The following KCNC1 variants were observed in gnomAD, a reference collection of about 807,000 sequenced individuals.
KCNC1 encodes the protein potassium voltage-gated channel subfamily C member 1, also known as voltage-gated potassium channel KCNC1.
Under a neutral mutation model 43.4 loss-of-function variants are expected in KCNC1, and 8 were observed. The observed-to-expected ratio is 0.18, with a 90% CI of 0.11 to 0.33. The LOEUF is 0.33. Ranked by LOEUF, KCNC1 falls within the 10% of genes least tolerant of loss-of-function variation. The pLI, the probability that KCNC1 is intolerant of heterozygous loss-of-function variation, is 1.00. For missense variants in KCNC1, 420 were observed against 836.0 expected (o/e 0.50, Z 6.14); for synonymous variants, 361 against 360.5 (o/e 1.00, Z -0.01).
rs1047896583 is a variant in KCNC1, at chr11:17,781,592, T to C, written c.1694-78T>C. 26 of 1,007,646 alleles carry C rather than the reference T, an allele frequency of 2.6e-5. No homozygotes were observed. The highest frequency in any genetic ancestry group is 2.1e-4 in the East Asian group (8 of 38,070). 62.4% of individuals were successfully genotyped at this position (1,007,646 alleles called of 1,614,324 possible). On this transcript the variant is annotated intron_variant, in intron 3 of 3. Coordinates refer to ENST00000265969, the MANE Select transcript of KCNC1 (RefSeq NM_001112741.2). The surrounding 1 kb of genome is among the most constrained non-coding windows in gnomAD (Gnocchi z 5.1). ...CGGCTGTTCTGTCTTTCCTCCTCCT[T>C]CTTAAAAACTAAGTACCAAGCGGGA...
rs1848810776 is a variant in KCNC1, at chr11:17,739,383, G to A, written c.570+2811G>A. Among the ~76,000 whole-genome samples the A allele has an allele frequency of 2.6e-5, 4 of 151,572 alleles. No homozygotes were observed. In the Middle Eastern group the frequency reaches 0.01, roughly 387 times the overall value. On this transcript the variant is annotated intron_variant, in intron 1 of 3. Transcript: ENST00000265969. The surrounding 1 kb of genome is among the most constrained non-coding windows in gnomAD (Gnocchi z 4.2). ...CAGGCGTGTGTGTGTGTGTGTGTGTGTGTGTGTGTGTGTGTGGTGAGACTG... is the reference window on the plus strand; with the variant it reads ...CAGGCGTGTGTGTGTGTGTGTGTGTATGTGTGTGTGTGTGTGGTGAGACTG...
At chr11:17,775,152 C>A in intron 2 of KCNC1, 1 of 985,550 alleles carries the variant, frequency 1.0e-6, no homozygotes, top group Non-Finnish European at 1.2e-6. Flanking sequence ...GATGCAGCCC[C>A]CCAAGGCCTT....
intron 1 of KCNC1, among the ~76,000 whole-genome samples, chr11:17,755,425 C>T (rs10741733): frequency 0.55 from 83,259 of 151,828 alleles, 24,424 homozygotes; most frequent in East Asian, 0.9. Context: ...AATGTTGGAA[C>T]CTGGGAGACC....
chr11:17,747,609 G>T (rs1451095664), intron 1 of KCNC1, among the ~76,000 whole-genome samples: 1 of 152,204 alleles, frequency 6.6e-6, no homozygotes, highest in Non-Finnish European at 1.5e-5. Context: ...AAGCTGGGCT[G>T]CTCCGCCAGG....
At position 17,778,962 on chromosome 11, in the gene KCNC1, G is replaced by A. The variant is rs573670621; in HGVS notation, c.1505-494G>A. On this transcript the variant is annotated intron_variant, in intron 2 of 3. Coordinates refer to ENST00000265969, the MANE Select transcript of KCNC1 (RefSeq NM_001112741.2). ...ATGAGATGGTCTGTATGGAGCTAGG[G>A]AAGCCCGAGCAACTGGCTGGCTGTG... is the stretch of plus-strand genomic sequence containing the variant. Among the ~76,000 whole-genome samples, 3 of 152,138 alleles carry A rather than the reference G, an allele frequency of 2.0e-5. No homozygotes were observed. The East Asian group carries it at 5.8e-4, about 30-fold the overall frequency.
intron 2 of KCNC1, chr11:17,774,275 G>C (rs773628753): frequency 1.1e-5 from 11 of 985,494 alleles, no homozygotes; most frequent in Non-Finnish European, 1.3e-5. Flanking sequence ...TAGGAGGAAC[G>C]CGTGGGCTGG....
intron 1 of KCNC1, among the ~76,000 whole-genome samples, chr11:17,762,642 C>T (rs1849091587): frequency 6.6e-6 from 1 of 152,164 alleles, no homozygotes; most frequent in African/African-American, 2.4e-5. Context: ...GCAGGTGGGC[C>T]TGAGGGATGA....
chr11:17,776,647 T>TG lies in KCNC1; in HGVS notation c.1505-2804dup, dbSNP rs148938810. 1,659 of 985,220 alleles carry TG rather than the reference T, an allele frequency of 1.7e-3. 30 individuals are homozygous for TG. In the African/African-American group the frequency reaches 0.027, roughly 16 times the overall value. The allele number at this position is 985,220 out of a possible 1,614,324, so 61.0% of individuals were successfully genotyped here. A position where few individuals can be genotyped will look rare whatever the true frequency, so the allele number is the denominator to read the frequency against. On this transcript the variant is annotated intron_variant, in intron 2 of 3. Coordinates refer to ENST00000265969, the MANE Select transcript of KCNC1 (RefSeq NM_001112741.2). This position sits in a 1 kb window ranked among gnomAD's most constrained non-coding sequence, Gnocchi z 4.4. ...CAGGCCTGTGGGTCTAGTGGGGGCCTGGGGGCCCTGGGCTGGGGGAGGCAG... is the reference window on the plus strand; with the variant it reads ...CAGGCCTGTGGGTCTAGTGGGGGCCTGGGGGGCCCTGGGCTGGGGGAGGCAG...
In KCNC1 at chr11:17,777,270, C is replaced by T; in HGVS notation, c.1505-2186C>T. ...GAAGGCACCCCCCTCTGACCCACCC[C>T]TCCCCAGGCAAGAACTGCAGGCTGT... On this transcript the variant is annotated intron_variant, in intron 2 of 3. Coordinates refer to ENST00000265969, the MANE Select transcript of KCNC1 (RefSeq NM_001112741.2). The surrounding 1 kb of genome is among the most constrained non-coding windows in gnomAD (Gnocchi z 4.3). 1.0e-5 allele frequency: 10 copies of T among 985,954 alleles called. No homozygotes were observed. The highest frequency in any genetic ancestry group is 1.2e-5 in the Non-Finnish European group (10 of 830,046). The allele number at this position is 985,954 out of a possible 1,614,324, so 61.1% of individuals were successfully genotyped here.
chr11:17,774,324 C>A, intron 2 of KCNC1: 6 of 985,562 alleles, frequency 6.1e-6, no homozygotes, highest in Non-Finnish European at 7.2e-6. Flanking sequence ...GCAAGAAGAG[C>A]TCAGCCTGAG....
chr11:17,774,844 G>A lies in KCNC1; in HGVS notation c.1504+2246G>A, dbSNP rs1282447287. The A allele has an allele frequency of 6.1e-6, 6 of 985,348 alleles. No individual in the cohort carries two copies. The African/African-American group carries it at 8.7e-5, about 14-fold the overall frequency. 61.0% of individuals were successfully genotyped at this position (985,348 alleles called of 1,614,324 possible). ...TCCCAAGCACTCACTTCCCGGTGGT[G>A]TTGGTGCTGTCCTGATATCCTGACC... On this transcript the variant is annotated intron_variant, in intron 2 of 3. Transcript: ENST00000265969.
intron 1 of KCNC1, among the ~76,000 whole-genome samples, chr11:17,768,997 C>T (rs145904718): frequency 7.4e-4 from 113 of 152,344 alleles, no homozygotes; most frequent in African/African-American, 2.3e-3. Context: ...AGCCTCTTCC[C>T]GTTGCTTCTA....
At chr11:17,774,837 C>G (rs995135169) in intron 2 of KCNC1, 1 of 985,374 alleles carries the variant, frequency 1.0e-6, no homozygotes, top group Non-Finnish European at 1.2e-6. Flanking sequence ...ACTCACTTCC[C>G]GGTGGTGTTG....
intron 1 of KCNC1, among the ~76,000 whole-genome samples, chr11:17,769,976 C>A (rs1849204734): frequency 6.6e-6 from 1 of 152,240 alleles, no homozygotes; most frequent in Non-Finnish European, 1.5e-5. Context: ...GAGATGCCAA[C>A]TTTGTCACTT....
At position 17,771,661 on chromosome 11, in the gene KCNC1, A is replaced by G; in HGVS notation, c.571-4A>G. The G allele has an allele frequency of 1.2e-6, 2 of 1,601,666 alleles. No homozygotes were observed. Among genetic ancestry groups the G allele is most frequent in the Non-Finnish European group, 1.7e-6 (2 of 1,170,504 alleles). On this transcript the variant is annotated splice_polypyrimidine_tract_variant and splice_region_variant and intron_variant, in intron 1 of 3. Coordinates refer to ENST00000265969, the MANE Select transcript of KCNC1 (RefSeq NM_001112741.2). The surrounding 1 kb of genome is among the most constrained non-coding windows in gnomAD (Gnocchi z 4.7). ...CCTCTGACACTGTGTCTTTATCCCC[A>G]CAGTATGTGGCCTTCGCTTCCCTCT...
chr11:17,760,645 G>T (rs577916318), intron 1 of KCNC1, among the ~76,000 whole-genome samples: 6 of 152,152 alleles, frequency 3.9e-5, no homozygotes, highest in Non-Finnish European at 7.4e-5. Flanking sequence ...GGTCAGAGTC[G>T]CCAGATCCGG....
intron 1 of KCNC1, among the ~76,000 whole-genome samples, chr11:17,761,159 C>T (rs1001892348): frequency 3.3e-5 from 5 of 152,194 alleles, no homozygotes; most frequent in African/African-American, 7.2e-5. Context: ...CACCTGGACT[C>T]GTCCACAGGA....
rs138592096 is a variant in KCNC1, at chr11:17,759,803, C to G, written c.571-11862C>G. Among the ~76,000 whole-genome samples the G allele has an allele frequency of 2.2e-3, 336 of 152,186 alleles. 1 individual carries two copies. Among genetic ancestry groups the G allele is most frequent in the Admixed American group, 0.02 (309 of 15,286 alleles). On this transcript the variant is annotated intron_variant, in intron 1 of 3. Transcript: ENST00000265969. ...GCATCAGAGATCAATGATCACAGGTCACCATAACAGATATAATAATAATGA... is the reference window on the plus strand; with the variant it reads ...GCATCAGAGATCAATGATCACAGGTGACCATAACAGATATAATAATAATGA...
At position 17,776,292 on chromosome 11, in the gene KCNC1, C is replaced by A; in HGVS notation, c.1505-3164C>A. 1 of 985,448 alleles carries A rather than the reference C, an allele frequency of 1.0e-6. No individual in the cohort carries two copies. The highest frequency in any genetic ancestry group is 1.2e-6 in the Non-Finnish European group (1 of 829,976). 61.0% of individuals were successfully genotyped at this position (985,448 alleles called of 1,614,324 possible). A position where few individuals can be genotyped will look rare whatever the true frequency, so the allele number is the denominator to read the frequency against. On this transcript the variant is annotated intron_variant, in intron 2 of 3. Coordinates refer to ENST00000265969, the MANE Select transcript of KCNC1 (RefSeq NM_001112741.2). This position sits in a 1 kb window ranked among gnomAD's most constrained non-coding sequence, Gnocchi z 4.4. ...TTGTTCCCTGCTCGTGTCTCACAGACTGTCCCCATTTAGCCTGAGACTTTT... is the reference window on the plus strand; with the variant it reads ...TTGTTCCCTGCTCGTGTCTCACAGAATGTCCCCATTTAGCCTGAGACTTTT...
Sources: allele counts gnomAD v4.1 joint callset (sites outside exome capture counted in the v4.1 genomes callset), GRCh38; gene constraint gnomAD v4.1.1; non-coding constraint Gnocchi (gnomAD v3.1); transcripts MANE v1.5; gene names NCBI Gene and HGNC (gene_info 2026-07-23, HGNC 2026-07-21).